Variants in DCDC1 observed in about 807,000 individuals in gnomAD.
DCDC1 encodes doublecortin domain containing 1.
Under a neutral mutation model 178.3 loss-of-function variants are expected in DCDC1, and 200 were observed. The observed-to-expected ratio is 1.12, with a 90% CI of 1.00 to 1.26. The LOEUF is 1.26. DCDC1 is among the 50% of genes most tolerant of loss of function. The pLI, the probability that DCDC1 is intolerant of heterozygous loss-of-function variation, is 0.00. For missense variants in DCDC1, 1,983 were observed against 1,749.2 expected (o/e 1.13, Z -2.38); for synonymous variants, 690 against 604.8 (o/e 1.14, Z -2.07).
At chr11:30,992,168 C>A (rs1277142743) in intron 20 of DCDC1, among the ~76,000 whole-genome samples, 3 of 152,158 alleles carry the variant, frequency 2.0e-5, no homozygotes. Context: ...TGTATGTTAA[C>A]TATAAATTGC....
At chr11:31,167,631 A>G (rs554216141) in intron 9 of DCDC1, among the ~76,000 whole-genome samples, 1 of 152,282 alleles carries the variant, frequency 6.6e-6, no homozygotes, top group South Asian at 2.1e-4. Context: ...CTATTTTATT[A>G]CACCATTCTT....
At chr11:31,013,617 G>T (rs1163685594) in intron 20 of DCDC1, among the ~76,000 whole-genome samples, 1 of 152,132 alleles carries the variant, frequency 6.6e-6, no homozygotes, top group Non-Finnish European at 1.5e-5. Context: ...GAACGTAAGA[G>T]AATATTATTG....
At chr11:31,072,462 T>C (rs1037716443) in intron 18 of DCDC1, among the ~76,000 whole-genome samples, 2 of 152,186 alleles carry the variant, frequency 1.3e-5, no homozygotes, top group African/African-American at 4.8e-5. Flanking sequence ...GTCATTAGTT[T>C]TTCCCTGTAT....
rs375902731 is a variant in DCDC1 at position 30,925,072 on chromosome 11, C to CA, written c.2997+236dup. Among the ~76,000 whole-genome samples, 320 of 114,788 alleles carry CA rather than the reference C, an allele frequency of 2.8e-3. 1 individual carries two copies. The highest frequency in any genetic ancestry group is 9.5e-3 in the Middle Eastern group (2 of 210). The allele number at this position is 114,788 out of a possible 152,430, so 75.3% of individuals were successfully genotyped here. ...TGGGTATCAGAGTGAAACTCCATCT[C>CA]AAAAAAAAAAAAAAAGTTTAATTTA... On this transcript the variant is annotated intron_variant, in intron 23 of 38. Transcript: ENST00000684477.
chr11:31,282,580 T>C (rs1946527346), intron 7 of DCDC1, among the ~76,000 whole-genome samples: 1 of 152,092 alleles, frequency 6.6e-6, no homozygotes, highest in Admixed American at 6.6e-5. Context: ...TTAAAATAAT[T>C]TTAATCCTTT....
In DCDC1 at chr11:31,146,122, G is replaced by C. The variant is rs192647791; in HGVS notation, c.1222-8338C>G. On this transcript the variant is annotated intron_variant, in intron 9 of 38. Transcript: ENST00000684477. The stretch of plus-strand genomic sequence containing the variant: ...GAGTCTCGCTCTGTTGCCCAGACTA[G>C]AGTGCAGTGGCACAATATCGGCTCA... 6.2e-3 allele frequency among the ~76,000 whole-genome samples: 905 copies of C among 145,362 alleles called. 4 individuals carry two copies. Among genetic ancestry groups the C allele is most frequent in the Admixed American group, 0.011 (160 of 14,060 alleles).
intron 20 of DCDC1, among the ~76,000 whole-genome samples, chr11:31,044,847 C>T (rs1954721631): frequency 6.6e-6 from 1 of 152,176 alleles, no homozygotes. Context: ...TTGTTTTAAA[C>T]TGCTATGTTT....
chr11:31,045,836 T>G (rs577656312), intron 20 of DCDC1, among the ~76,000 whole-genome samples: 1 of 152,192 alleles, frequency 6.6e-6, no homozygotes, highest in Non-Finnish European at 1.5e-5. Flanking sequence ...TTTAAACTTT[T>G]TATTCTGAAG....
chr11:31,153,760 G>A (rs1965420989), intron 9 of DCDC1, among the ~76,000 whole-genome samples: 1 of 138,908 alleles, frequency 7.2e-6, no homozygotes. Context: ...TCCAGCCTGG[G>A]CGATAGAGCC....
chr11:31,106,275 T>A (rs190927737), intron 13 of DCDC1, among the ~76,000 whole-genome samples: 6 of 152,364 alleles, frequency 3.9e-5, no homozygotes, highest in Admixed American at 6.5e-5. Context: ...TCTTTAGCTG[T>A]CCTGTCATTG....
intron 17 of DCDC1, among the ~76,000 whole-genome samples, chr11:31,080,280 A>G (rs1276141951): frequency 1.3e-5 from 2 of 152,206 alleles, no homozygotes; most frequent in African/African-American, 4.8e-5. Flanking sequence ...ATAGATGAAT[A>G]AAATGAGATG....
Position 31,307,614 on chromosome 11 carries a change from AAGAACAG to A in DCDC1, c.434+18_434+24del. ...GAAAGAACTTCAACAATAGGTTAAA[AAGAACAG>A]AGAACAGCTTTGATTACCTCAGTTG... On this transcript the variant is annotated intron_variant, in intron 4 of 38. Coordinates refer to ENST00000684477, the MANE Select transcript of DCDC1 (RefSeq NM_001387274.1). 6.2e-7 allele frequency: 1 copy of A among 1,610,356 alleles called. No individual in the cohort carries two copies. Among genetic ancestry groups the A allele is most frequent in the African/African-American group, 1.3e-5 (1 of 74,896 alleles).
intron 38 of DCDC1, among the ~76,000 whole-genome samples, chr11:30,874,364 A>T (rs559674323): frequency 6.6e-6 from 1 of 152,282 alleles, no homozygotes; most frequent in Non-Finnish European, 1.5e-5. Flanking sequence ...GCACACTCAA[A>T]TTTGAGAATC....
intron 7 of DCDC1, among the ~76,000 whole-genome samples, chr11:31,272,225 A>G (rs1042001154): frequency 6.6e-6 from 1 of 151,954 alleles, no homozygotes; most frequent in South Asian, 2.1e-4. Context: ...ACAGCACGGG[A>G]AAGACCTGCC....
chr11:30,920,655 G>T lies in DCDC1; in HGVS notation c.3293+121C>A, dbSNP rs1365688483. On this transcript the variant is annotated intron_variant, in intron 25 of 38. Transcript: ENST00000684477. ...AAACTAATTAAATACTAGCTCTTCAGCTGCCATTAGTTTCACAAACTTGGC... is the reference window on the plus strand; with the variant it reads ...AAACTAATTAAATACTAGCTCTTCATCTGCCATTAGTTTCACAAACTTGGC... The T allele has an allele frequency of 3.4e-6, 4 of 1,160,692 alleles. No homozygotes were observed. In the African/African-American group the frequency reaches 4.7e-5, roughly 14 times the overall value. The allele number at this position is 1,160,692 out of a possible 1,614,324, so 71.9% of individuals were successfully genotyped here. A position where few individuals can be genotyped will look rare whatever the true frequency, so the allele number is the denominator to read the frequency against.
At chr11:31,368,127 G>A (rs1227445377) in intron 1 of DCDC1, among the ~76,000 whole-genome samples, 1 of 152,088 alleles carries the variant, frequency 6.6e-6, no homozygotes, top group African/African-American at 2.4e-5. Context: ...ACATTATGGA[G>A]ATAAAAGAAA....
intron 18 of DCDC1, among the ~76,000 whole-genome samples, chr11:31,075,172 A>G (rs1198095700): frequency 6.6e-6 from 1 of 152,174 alleles, no homozygotes; most frequent in East Asian, 1.9e-4. Context: ...TCTGAGTTGT[A>G]TCACTTAATG....
chr11:31,003,315 G>A (rs1280096433), intron 20 of DCDC1, among the ~76,000 whole-genome samples: 2 of 152,020 alleles, frequency 1.3e-5, no homozygotes. Flanking sequence ...GAGGGAGTGG[G>A]GGAAGCATTT....
intron 26 of DCDC1, among the ~76,000 whole-genome samples, chr11:30,916,268 T>C (rs1175354940): frequency 6.6e-6 from 1 of 152,194 alleles, no homozygotes; most frequent in Non-Finnish European, 1.5e-5. Flanking sequence ...ATATTACATA[T>C]CACAACACAT....
Sources: allele counts gnomAD v4.1 joint callset (sites outside exome capture counted in the v4.1 genomes callset), GRCh38; gene constraint gnomAD v4.1.1; transcripts MANE v1.5; gene names NCBI Gene and HGNC (gene_info 2026-07-23, HGNC 2026-07-21).